Variants in PCDH15 observed in about 807,000 individuals in gnomAD.
PCDH15 encodes protocadherin related 15, also known as protocadherin-15.
A neutral mutation model predicts 178.5 loss-of-function variants in PCDH15; 129 were observed. The observed-to-expected ratio is 0.72, with a 90% CI of 0.63 to 0.84. The LOEUF (loss-of-function observed/expected upper bound fraction) is 0.84. PCDH15 is among the 40% of genes least tolerant of loss of function. The pLI, the probability that PCDH15 is intolerant of heterozygous loss-of-function variation, is 0.00. For missense variants in PCDH15, 2,230 were observed against 2,099.9 expected (o/e 1.06, Z -1.21); for synonymous variants, 800 against 732.0 (o/e 1.09, Z -1.50).
At chr10:55,300,367 C>A (rs16907221) in intron 1 of PCDH15, among the ~76,000 whole-genome samples, 1 of 152,066 alleles carries the variant, frequency 6.6e-6, no homozygotes, top group African/African-American at 2.4e-5. Flanking sequence ...CACGAAGACA[C>A]GTTATGCAAG....
At chr10:54,497,038 G>A (rs1327452606) in intron 3 of PCDH15, among the ~76,000 whole-genome samples, 1 of 151,954 alleles carries the variant, frequency 6.6e-6, no homozygotes, top group Non-Finnish European at 1.5e-5. Flanking sequence ...AGCACTTGTG[G>A]GAGTGTTACT....
chr10:53,907,203 C>T (rs2082740106), intron 25 of PCDH15: 1 of 152,158 alleles, frequency 6.6e-6, no homozygotes, highest in African/African-American at 2.4e-5. Context: ...TATTTCAAGG[C>T]AGAAGCTTGG....
At chr10:55,580,655 G>A (rs1222649575) in intron 2 of PCDH15, among the ~76,000 whole-genome samples, 1 of 152,140 alleles carries the variant, frequency 6.6e-6, no homozygotes, top group East Asian at 1.9e-4. Flanking sequence ...GAGCCACAGC[G>A]CCCGGCCATT....
At chr10:55,459,025 A>G (rs1839612884) in intron 2 of PCDH15, among the ~76,000 whole-genome samples, 1 of 151,970 alleles carries the variant, frequency 6.6e-6, no homozygotes, top group South Asian at 2.1e-4. Context: ...CTCCTGCAGA[A>G]TGAGGATGCA....
At chr10:55,597,222 A>AT (rs1842953716) in intron 2 of PCDH15, 1 of 152,174 alleles carries the variant, frequency 6.6e-6, no homozygotes, top group Non-Finnish European at 1.5e-5. Context: ...CTTGAAGGGC[A>AT]TAACAATCAA....
chr10:54,616,637 A>T (rs1170749014), intron 2 of PCDH15, among the ~76,000 whole-genome samples: 1 of 152,090 alleles, frequency 6.6e-6, no homozygotes, highest in Non-Finnish European at 1.5e-5. Context: ...TACAAAGTAC[A>T]TGTTGAGAAT....
chr10:55,339,141 T>A (rs1314905594), intron 2 of PCDH15, among the ~76,000 whole-genome samples: 2 of 152,272 alleles, frequency 1.3e-5, no homozygotes, highest in African/African-American at 2.4e-5. Context: ...AAGAGTAGAA[T>A]TGGAATTTTC....
chr10:54,259,126 T>C (rs2057132309), intron 8 of PCDH15, among the ~76,000 whole-genome samples: 1 of 152,176 alleles, frequency 6.6e-6, no homozygotes, highest in Admixed American at 6.5e-5. Flanking sequence ...TTGATCATAA[T>C]AGAATGCTGC....
chr10:54,851,528 T>C (rs557159885), intron 3 of PCDH15, among the ~76,000 whole-genome samples: 15 of 152,172 alleles, frequency 9.9e-5, no homozygotes, highest in Non-Finnish European at 1.9e-4. Context: ...CAAGCCCTTA[T>C]GGTATGCTGA....
chr10:54,247,490 A>C (rs1190734490), intron 8 of PCDH15, among the ~76,000 whole-genome samples: 1 of 151,206 alleles, frequency 6.6e-6, no homozygotes, highest in Admixed American at 6.6e-5. Flanking sequence ...ACATCTAAAT[A>C]CAAATAATGA....
At chr10:54,962,866 TACTC>T (rs1287639692) in intron 2 of PCDH15, among the ~76,000 whole-genome samples, 1 of 152,096 alleles carries the variant, frequency 6.6e-6, no homozygotes, top group Admixed American at 6.5e-5. Context: ...GCATGAGAAA[TACTC>T]AGGAAGAAGG....
Position 54,486,590 on chromosome 10 carries a change from C to A in PCDH15, c.157+41222G>T, listed in dbSNP as rs1465090607. Among the ~76,000 whole-genome samples the A allele has an allele frequency of 3.3e-5, 5 of 151,580 alleles. No homozygotes were observed. The East Asian group carries it at 9.7e-4, about 30-fold the overall frequency. Reference sequence around the variant, plus strand: ...TTCCTTTCCCTTCCTTCCTTCCTTTCTTTTCTTTCTTTCTTTTTAAAATAC... The same window carrying A: ...TTCCTTTCCCTTCCTTCCTTCCTTTATTTTCTTTCTTTCTTTTTAAAATAC... On this transcript the variant is annotated intron_variant, in intron 3 of 37. Transcript: ENST00000644397.
At chr10:54,650,873 A>G (rs2094243797) in intron 2 of PCDH15, among the ~76,000 whole-genome samples, 2 of 152,288 alleles carry the variant, frequency 1.3e-5, no homozygotes, top group South Asian at 4.1e-4. Flanking sequence ...AGCACATGGG[A>G]ATTATGGGAG....
At chr10:55,194,631 T>C (rs1840032236) in intron 1 of PCDH15, among the ~76,000 whole-genome samples, 1 of 152,036 alleles carries the variant, frequency 6.6e-6, no homozygotes, top group Non-Finnish European at 1.5e-5. Flanking sequence ...ATTATTATTG[T>C]AATGGAGGAA....
intron 2 of PCDH15, among the ~76,000 whole-genome samples, chr10:55,596,472 A>C (rs2132137386): frequency 6.6e-6 from 1 of 152,218 alleles, no homozygotes; most frequent in African/African-American, 2.4e-5. Context: ...ATACAGGGAA[A>C]GTCACTTCAC....
intron 2 of PCDH15, among the ~76,000 whole-genome samples, chr10:55,050,594 T>C (rs1193395592): frequency 1.3e-5 from 2 of 152,086 alleles, no homozygotes; most frequent in Non-Finnish European, 2.9e-5. Context: ...AGCAAAACGC[T>C]GTCCTATGAG....
At chr10:54,152,439 T>A (rs563105064) in intron 14 of PCDH15, among the ~76,000 whole-genome samples, 3 of 151,930 alleles carry the variant, frequency 2.0e-5, no homozygotes, top group Non-Finnish European at 4.4e-5. Flanking sequence ...TATTAAGGAA[T>A]ATTACATAAC....
intron 2 of PCDH15, among the ~76,000 whole-genome samples, chr10:55,432,082 A>AACACACACACACAC (rs58866288): frequency 0.023 from 3,430 of 148,438 alleles, 53 homozygotes; most frequent in East Asian, 0.07. Flanking sequence ...CTATCATTTA[A>AACACACACACACAC]ACACACACAC....
chr10:54,779,668 G>A (rs1042084142), intron 1 of PCDH15, among the ~76,000 whole-genome samples: 5 of 151,308 alleles, frequency 3.3e-5, no homozygotes, highest in Admixed American at 1.3e-4. Flanking sequence ...CAGAGAGTTA[G>A]CAGGGTGTAA....
Sources: allele counts gnomAD v4.1 joint callset (sites outside exome capture counted in the v4.1 genomes callset), GRCh38; gene constraint gnomAD v4.1.1; transcripts MANE v1.5; gene names NCBI Gene and HGNC (gene_info 2026-07-23, HGNC 2026-07-21).